Variants in PIAS1 observed in about 807,000 individuals in gnomAD.
PIAS1 encodes E3 SUMO-protein ligase PIAS1.
In PIAS1, 6 loss-of-function variants were observed where a neutral mutation model predicts 71.3. That is an observed-to-expected ratio of 0.08 (90% CI 0.05 to 0.17). PIAS1 has a LOEUF of 0.17. PIAS1 is among the 10% of genes least tolerant of loss of function. PIAS1 has a pLI of 1.00. For missense variants in PIAS1, 555 were observed against 793.6 expected (o/e 0.70, Z 3.61); for synonymous variants, 303 against 292.9 (o/e 1.03, Z -0.35).
At chr15:68,095,289 G>A (rs75304716) in intron 2 of PIAS1, among the ~76,000 whole-genome samples, 3,296 of 151,986 alleles carry the variant, frequency 0.022, 121 homozygotes, top group African/African-American at 0.075. Context: ...ATTTAACAGC[G>A]AATTCTGCCG....
intron 7 of PIAS1, 122 bp from the exon 8 acceptor site, chr15:68,164,609 A>T: frequency 2.0e-6 from 1 of 509,144 alleles, no homozygotes; most frequent in Admixed American, 3.3e-5. Context: ...CTTTCCATTC[A>T]ATTGATTGGG....
At chr15:68,109,370 C>T (rs894336860) in intron 2 of PIAS1, among the ~76,000 whole-genome samples, 1 of 152,176 alleles carries the variant, frequency 6.6e-6, no homozygotes, top group Admixed American at 6.5e-5. Context: ...TCTTTCTCTT[C>T]TCATTACAGT....
chr15:68,054,743 A>C lies in PIAS1; in HGVS notation c.24+393A>C. ...GGTGCTCTCGTAGGGGGGATTGGGA[A>C]AGCTCCCCGTGGCCGCTTCCTCTTC... is the stretch of plus-strand genomic sequence containing the variant. On this transcript the variant is annotated intron_variant, in intron 1 of 13. Coordinates refer to ENST00000249636, the MANE Select transcript of PIAS1 (RefSeq NM_016166.3). The surrounding 1 kb of genome is among the most constrained non-coding windows in gnomAD (Gnocchi z 4.6). The C allele has an allele frequency of 6.0e-6, 1 of 166,272 alleles. No homozygotes were observed. Among genetic ancestry groups the C allele is most frequent in the Non-Finnish European group, 1.3e-5 (1 of 77,430 alleles). The allele number at this position is 166,272 out of a possible 1,614,324, so 10.3% of individuals were successfully genotyped here. A position where few individuals can be genotyped will look rare whatever the true frequency, so the allele number is the denominator to read the frequency against.
intron 2 of PIAS1, among the ~76,000 whole-genome samples, chr15:68,102,201 C>T (rs748324727): frequency 6.6e-6 from 1 of 152,126 alleles, no homozygotes; most frequent in Non-Finnish European, 1.5e-5. Context: ...TGTTCTTAGA[C>T]CCCTGTTGCA....
At chr15:68,077,205 G>A (rs1352538325) in intron 1 of PIAS1, among the ~76,000 whole-genome samples, 2 of 152,090 alleles carry the variant, frequency 1.3e-5, no homozygotes, top group Non-Finnish European at 2.9e-5. Context: ...ATCCCCTCTT[G>A]TCCAAATAAA....
chr15:68,168,096 C>T (rs567212753), intron 8 of PIAS1, among the ~76,000 whole-genome samples: 1 of 152,112 alleles, frequency 6.6e-6, no homozygotes, highest in Non-Finnish European at 1.5e-5. Flanking sequence ...GCAACCTCCA[C>T]TTCCTGGGTT....
At chr15:68,090,229 G>A (rs1431702763) in intron 2 of PIAS1, among the ~76,000 whole-genome samples, 1 of 151,786 alleles carries the variant, frequency 6.6e-6, no homozygotes, top group Non-Finnish European at 1.5e-5. Flanking sequence ...TTGAGACAGG[G>A]TTTCGCTCTG....
At chr15:68,176,256 T>G (rs146360252) in intron 10 of PIAS1, among the ~76,000 whole-genome samples, 1,993 of 152,284 alleles carry the variant, frequency 0.013, 18 homozygotes, top group Middle Eastern at 0.02. Flanking sequence ...ACATTTTGAT[T>G]GTTTGCTCTA....
chr15:68,141,219 C>T (rs2092767466), intron 2 of PIAS1, among the ~76,000 whole-genome samples: 1 of 151,996 alleles, frequency 6.6e-6, no homozygotes, highest in Non-Finnish European at 1.5e-5. Flanking sequence ...AAACAAAAAG[C>T]CTTTAATGGA....
intron 2 of PIAS1, among the ~76,000 whole-genome samples, chr15:68,110,681 GAGCCTGGGGAGATCAAGGCT>G (rs1199239097): frequency 6.6e-6 from 1 of 152,018 alleles, no homozygotes; most frequent in East Asian, 1.9e-4. Flanking sequence ...AGGATCACTT[GAGCCTGGGGAGATCAAGGCT>G]GCACTCCAGT....
At chr15:68,081,906 TAAAA>T (rs567041899) in intron 1 of PIAS1, among the ~76,000 whole-genome samples, 11 of 142,442 alleles carry the variant, frequency 7.7e-5, no homozygotes, top group Admixed American at 1.4e-4. Flanking sequence ...TTTATGCAAT[TAAAA>T]AAAAAAAAGA....
At position 68,167,349 on chromosome 15, in the gene PIAS1, C is replaced by G. The variant is rs554681592; in HGVS notation, c.1008+2545C>G. Among the ~76,000 whole-genome samples, 9 of 151,984 alleles carry G rather than the reference C, an allele frequency of 5.9e-5. No individual in the cohort carries two copies. In the East Asian group the frequency reaches 1.5e-3, roughly 26 times the overall value. ...TACTCAAAAATAAAATTTAATAATA[C>G]CTATATATCAAATTTATGGGATAAT... On this transcript the variant is annotated intron_variant, in intron 8 of 13. Coordinates refer to ENST00000249636, the MANE Select transcript of PIAS1 (RefSeq NM_016166.3). This position sits in a 1 kb window ranked among gnomAD's most constrained non-coding sequence, Gnocchi z 4.4.
intron 2 of PIAS1, among the ~76,000 whole-genome samples, chr15:68,139,081 A>G (rs1443598776): frequency 6.6e-6 from 1 of 152,218 alleles, no homozygotes; most frequent in African/African-American, 2.4e-5. Context: ...ACTCATTTAC[A>G]TTCTTCAAAA....
At chr15:68,183,733 T>A (rs1458004121) in intron 13 of PIAS1, 66 bp downstream of exon 13, 2 of 672,690 alleles carry the variant, frequency 3.0e-6, no homozygotes, top group Non-Finnish European at 5.2e-6. Context: ...CGCCACATAA[T>A]GACATTTTGG....
At chr15:68,094,217 A>T (rs111851825) in intron 2 of PIAS1, among the ~76,000 whole-genome samples, 2,096 of 151,624 alleles carry the variant, frequency 0.014, 58 homozygotes, top group African/African-American at 0.048. Context: ...ATAATTCTGG[A>T]GAAGACCGGC....
rs547109293 is a variant in PIAS1 at position 68,177,293 on chromosome 15, A to AG, written c.1481+639_1481+640insG. ...GACTTTGTCTCAAAAAAAAAAAAAAAAAAAGAAAGAAAAAATTTGTATTTC... is the reference window on the plus strand; with the variant it reads ...GACTTTGTCTCAAAAAAAAAAAAAAAGAAAAGAAAGAAAAAATTTGTATTTC... On this transcript the variant is annotated intron_variant, in intron 11 of 13. Coordinates refer to ENST00000249636, the MANE Select transcript of PIAS1 (RefSeq NM_016166.3). 2.1e-3 allele frequency among the ~76,000 whole-genome samples: 318 copies of AG among 151,724 alleles called. 3 individuals carry two copies. Among genetic ancestry groups the AG allele is most frequent in the Non-Finnish European group, 3.3e-3 (227 of 67,844 alleles).
chr15:68,121,957 G>A (rs934797035), intron 2 of PIAS1, among the ~76,000 whole-genome samples: 1 of 151,982 alleles, frequency 6.6e-6, no homozygotes, highest in East Asian at 1.9e-4. Context: ...GCGAAACTCT[G>A]TCTCTACAAA....
chr15:68,134,890 G>A (rs2092713205), intron 2 of PIAS1, among the ~76,000 whole-genome samples: 1 of 51,128 alleles, frequency 2.0e-5, no homozygotes, highest in African/African-American at 4.1e-5. Flanking sequence ...GCCGGGCAGA[G>A]GGGCTCCCCA....
chr15:68,057,427 T>C, intron 1 of PIAS1: 1 of 400,628 alleles, frequency 2.5e-6, no homozygotes. Context: ...AAAAAATATG[T>C]GTTTTTTTGG....
Sources: allele counts gnomAD v4.1 joint callset (sites outside exome capture counted in the v4.1 genomes callset), GRCh38; gene constraint gnomAD v4.1.1; non-coding constraint Gnocchi (gnomAD v3.1); transcripts MANE v1.5; gene names NCBI Gene and HGNC (gene_info 2026-07-23, HGNC 2026-07-21).